Variants in MDGA2 observed in about 807,000 individuals in gnomAD.
MDGA2 encodes the protein MAM domain-containing glycosylphosphatidylinositol anchor protein 2.
A neutral mutation model predicts 117.8 loss-of-function variants in MDGA2; 40 were observed. The observed-to-expected ratio is 0.34, with a 90% confidence interval of 0.26 to 0.44. The LOEUF (loss-of-function observed/expected upper bound fraction) is 0.44, where lower values mean the gene tolerates loss of function less well. Among genes scored for constraint, MDGA2 ranks in the 20% least tolerant of loss-of-function variants. The probability of loss-of-function intolerance (pLI) is 1.00; values close to 1 mark genes in which losing one functional copy is unlikely to be tolerated. For missense variants in MDGA2, 1,123 were observed against 1,250.6 expected, an observed-to-expected ratio of 0.90 and a Z score of 1.54; for synonymous variants, 452 against 439.0, an observed-to-expected ratio of 1.03 and a Z score of -0.37.
chr14:47,284,138 T>G (rs1414276060), intron 2 of MDGA2, among the ~76,000 whole-genome samples: 1 of 152,142 alleles, frequency 6.6e-6, no homozygotes, highest in Non-Finnish European at 1.5e-5. Context: ...AAAATTTTGT[T>G]TTTCTAATAA....
chr14:47,593,440 G>A (rs1217671896), intron 1 of MDGA2, among the ~76,000 whole-genome samples: 3 of 152,054 alleles, frequency 2.0e-5, no homozygotes, highest in African/African-American at 7.2e-5. Context: ...GTTTGTTCAC[G>A]CCACGCTATT....
chr14:47,237,402 C>T (rs995161930), intron 2 of MDGA2, among the ~76,000 whole-genome samples: 3 of 152,064 alleles, frequency 2.0e-5, no homozygotes, highest in African/African-American at 7.2e-5. Flanking sequence ...TCACCTGAGA[C>T]AATGCAGTAG....
chr14:47,104,147 C>A (rs545829079), intron 5 of MDGA2, among the ~76,000 whole-genome samples: 1 of 152,206 alleles, frequency 6.6e-6, no homozygotes, highest in Admixed American at 6.5e-5. Context: ...AAGTTACATT[C>A]TTCAGTAAAC....
At chr14:47,269,468 C>A (rs1374065799) in intron 2 of MDGA2, among the ~76,000 whole-genome samples, 1 of 151,932 alleles carries the variant, frequency 6.6e-6, no homozygotes, top group Non-Finnish European at 1.5e-5. Flanking sequence ...ATTTAGGAGA[C>A]CATAATTAAT....
intron 2 of MDGA2, among the ~76,000 whole-genome samples, chr14:47,267,476 T>C (rs1888004828): frequency 6.6e-6 from 1 of 152,178 alleles, no homozygotes; most frequent in African/African-American, 2.4e-5. Context: ...TTGTTATTTA[T>C]GTCATTTTTT....
intron 6 of MDGA2, among the ~76,000 whole-genome samples, chr14:47,062,477 A>G (rs1889921767): frequency 6.7e-6 from 1 of 149,522 alleles, no homozygotes. Context: ...TGTGACAGTG[A>G]TTCTCTTATA....
intron 10 of MDGA2, among the ~76,000 whole-genome samples, chr14:46,901,279 C>T (rs924456001): frequency 6.6e-6 from 1 of 151,970 alleles, no homozygotes; most frequent in African/African-American, 2.4e-5. Flanking sequence ...CACATGTATA[C>T]ATATGTAACA....
At chr14:47,446,133 T>A (rs1893116920) in intron 1 of MDGA2, among the ~76,000 whole-genome samples, 1 of 152,114 alleles carries the variant, frequency 6.6e-6, no homozygotes, top group Admixed American at 6.6e-5. Flanking sequence ...AGAACTTCTA[T>A]CAGAGAGTCA....
intron 1 of MDGA2, among the ~76,000 whole-genome samples, chr14:47,371,878 C>G (rs988185309): frequency 2.0e-4 from 30 of 151,712 alleles, no homozygotes; most frequent in African/African-American, 6.8e-4. Flanking sequence ...CATTTCATAT[C>G]TGATAACATT....
chr14:47,367,262 T>C (rs2138382991), intron 1 of MDGA2, among the ~76,000 whole-genome samples: 1 of 152,312 alleles, frequency 6.6e-6, no homozygotes, highest in African/African-American at 2.4e-5. Flanking sequence ...TGTTTCAGGG[T>C]ATGATAAGTT....
rs568325717 is a variant in MDGA2 at position 47,290,793 on chromosome 14, T to C, written c.420+10618A>G. Among the ~76,000 whole-genome samples the C allele has an allele frequency of 2.8e-4, 33 of 117,590 alleles. 1 individual carries two copies. The South Asian group carries it at 8.4e-3, about 30-fold the overall frequency. 77.1% of individuals were successfully genotyped at this position (117,590 alleles called of 152,430 possible). A position where few individuals can be genotyped will look rare whatever the true frequency, so the allele number is the denominator to read the frequency against. ...GGATTTAGAACAGTGACACAAAGAA[T>C]GAAAAAAAAAAAACACAATATAAGA... On this transcript the variant is annotated intron_variant, in intron 2 of 16. Coordinates refer to ENST00000399232, the MANE Select transcript of MDGA2 (RefSeq NM_001113498.3).
At chr14:47,069,783 G>A (rs1212364884) in intron 6 of MDGA2, among the ~76,000 whole-genome samples, 1 of 152,138 alleles carries the variant, frequency 6.6e-6, no homozygotes, top group Non-Finnish European at 1.5e-5. Flanking sequence ...AAAGAAAAAT[G>A]TGTTAAAATC....
chr14:47,646,034 C>G (rs1158883110), intron 1 of MDGA2, among the ~76,000 whole-genome samples: 1 of 147,552 alleles, frequency 6.8e-6, no homozygotes, highest in African/African-American at 2.5e-5. Flanking sequence ...GAGCTGAGAT[C>G]CCGCCACTGC....
intron 9 of MDGA2, among the ~76,000 whole-genome samples, chr14:46,940,201 G>C (rs976067472): frequency 6.6e-6 from 1 of 152,106 alleles, no homozygotes; most frequent in African/African-American, 2.4e-5. Context: ...AATTTACAAA[G>C]ATAAGGATTG....
intron 2 of MDGA2, 69 bp from the exon 3 acceptor site, chr14:47,218,264 C>A: frequency 7.4e-7 from 1 of 1,347,704 alleles, no homozygotes; most frequent in African/African-American, 1.5e-5. Flanking sequence ...ATAGCAATCA[C>A]TCATTTGAAG....
intron 1 of MDGA2, among the ~76,000 whole-genome samples, chr14:47,395,554 G>C (rs1038641578): frequency 6.6e-6 from 1 of 152,040 alleles, no homozygotes; most frequent in African/African-American, 2.4e-5. Context: ...TAAATACCTA[G>C]TGATTGGAAA....
chr14:47,571,281 T>C (rs1594923531), intron 1 of MDGA2, among the ~76,000 whole-genome samples: 1 of 152,136 alleles, frequency 6.6e-6, no homozygotes, highest in Admixed American at 6.5e-5. Context: ...TGTGGAGAAA[T>C]AGGAATGCTT....
At chr14:47,374,368 C>G (rs900119496) in intron 1 of MDGA2, among the ~76,000 whole-genome samples, 2 of 151,984 alleles carry the variant, frequency 1.3e-5, no homozygotes, top group African/African-American at 4.8e-5. Flanking sequence ...AGATCTTTTC[C>G]CTCGATTTCT....
At chr14:47,054,706 A>G (rs1301160090) in intron 7 of MDGA2, among the ~76,000 whole-genome samples, 1 of 151,872 alleles carries the variant, frequency 6.6e-6, no homozygotes, top group African/African-American at 2.4e-5. Flanking sequence ...CCACATATCT[A>G]CAACTATCTG....
Sources: gnomAD v4.1 joint callset for allele counts (sites outside exome capture counted in the v4.1 genomes callset) on GRCh38, gnomAD v4.1.1 for gene constraint, MANE v1.5 for transcripts, NCBI Gene and HGNC (gene_info 2026-07-23, HGNC 2026-07-21) for gene names.